Variants in GRID2 observed in about 807,000 individuals in gnomAD.
GRID2 encodes the protein glutamate ionotropic receptor delta type subunit 2.
Under a neutral mutation model 114.8 loss-of-function variants are expected in GRID2, and 33 were observed. That is an observed-to-expected ratio of 0.29 (90% confidence interval 0.22 to 0.38). The LOEUF is 0.38. Among genes scored for constraint, GRID2 ranks in the 10% least tolerant of loss-of-function variants. The probability of loss-of-function intolerance (pLI) is 1.00; values close to 1 mark genes in which losing one functional copy is unlikely to be tolerated. For missense variants in GRID2, 1,184 were observed against 1,257.7 expected (o/e 0.94, Z 0.89); for synonymous variants, 505 against 449.9 (o/e 1.12, Z -1.55).
intron 2 of GRID2, among the ~76,000 whole-genome samples, chr4:92,712,949 T>G (rs2149311047): frequency 6.6e-6 from 1 of 152,186 alleles, no homozygotes; most frequent in South Asian, 2.1e-4. Context: ...AGAGTCAAAT[T>G]ATTGATGATA....
chr4:93,370,472 CAG>C (rs1487696425), intron 8 of GRID2, among the ~76,000 whole-genome samples: 16 of 146,940 alleles, frequency 1.1e-4, no homozygotes, highest in African/African-American at 3.6e-4. Flanking sequence ...AACACGCACA[CAG>C]AGACACACAC....
chr4:93,719,675 G>T (rs1729192377), intron 14 of GRID2, among the ~76,000 whole-genome samples: 1 of 152,108 alleles, frequency 6.6e-6, no homozygotes, highest in African/African-American at 2.4e-5. Context: ...TAATACTAAT[G>T]ATGATCTCAT....
At chr4:92,991,485 C>T (rs1578694236) in intron 2 of GRID2, among the ~76,000 whole-genome samples, 2 of 152,210 alleles carry the variant, frequency 1.3e-5, no homozygotes, top group South Asian at 2.1e-4. Flanking sequence ...AAACCATCTC[C>T]GTGCAAATAA....
At position 93,643,131 on chromosome 4, in the gene GRID2, A is replaced by G. The variant is rs1197775246; in HGVS notation, c.2360+16696A>G. Among the ~76,000 whole-genome samples, 8 of 24,604 alleles carry G rather than the reference A, an allele frequency of 3.3e-4. 3 individuals carry two copies. Among genetic ancestry groups the G allele is most frequent in the African/African-American group, 1.3e-3 (2 of 1,502 alleles). 16.1% of individuals were successfully genotyped at this position (24,604 alleles called of 152,430 possible). ...GGCTCCTGAGGCTTCTGCATTCTTC[A>G]CGTAGTTCTCGAGCCTTCGTTTTCA... On this transcript the variant is annotated intron_variant, in intron 14 of 15. Coordinates refer to ENST00000282020, the MANE Select transcript of GRID2 (RefSeq NM_001510.4).
intron 2 of GRID2, among the ~76,000 whole-genome samples, chr4:92,706,182 C>T (rs1734946620): frequency 6.6e-6 from 1 of 152,054 alleles, no homozygotes; most frequent in Non-Finnish European, 1.5e-5. Flanking sequence ...TGAAATTCTA[C>T]AGTCAAGAGT....
intron 14 of GRID2, among the ~76,000 whole-genome samples, chr4:93,634,002 A>G (rs2149702650): frequency 6.6e-6 from 1 of 152,298 alleles, no homozygotes; most frequent in Middle Eastern, 3.4e-3. Context: ...TCTCTCAGAA[A>G]GGTACATAAA....
At chr4:93,052,073 T>A (rs1726773385) in intron 2 of GRID2, among the ~76,000 whole-genome samples, 1 of 152,190 alleles carries the variant, frequency 6.6e-6, no homozygotes, top group South Asian at 2.1e-4. Context: ...ATAATCAACT[T>A]ATTTTATCTG....
chr4:92,422,765 T>C (rs1423056803), intron 1 of GRID2, among the ~76,000 whole-genome samples: 3 of 152,168 alleles, frequency 2.0e-5, no homozygotes, highest in Non-Finnish European at 2.9e-5. Context: ...TCCTAAACCA[T>C]AATTTCTAAT....
chr4:93,043,774 G>T (rs1349256539), intron 2 of GRID2, among the ~76,000 whole-genome samples: 2 of 151,652 alleles, frequency 1.3e-5, no homozygotes, highest in African/African-American at 2.4e-5. Context: ...GGGGTGGGGG[G>T]AGCGGGGAGG....
intron 2 of GRID2, among the ~76,000 whole-genome samples, chr4:93,046,541 A>T (rs1726154928): frequency 6.6e-6 from 1 of 152,038 alleles, no homozygotes; most frequent in Non-Finnish European, 1.5e-5. Flanking sequence ...TTACATTTCA[A>T]ATTCTTTTTA....
chr4:92,495,758 A>T (rs2149118074), intron 1 of GRID2, among the ~76,000 whole-genome samples: 1 of 152,064 alleles, frequency 6.6e-6, no homozygotes, highest in South Asian at 2.1e-4. Flanking sequence ...TCTAAATTAA[A>T]ATTCAAAGTA....
intron 2 of GRID2, among the ~76,000 whole-genome samples, chr4:92,894,157 A>G (rs1746989517): frequency 6.6e-6 from 1 of 152,182 alleles, no homozygotes; most frequent in Admixed American, 6.5e-5. Flanking sequence ...TCCACATGGT[A>G]GAGAAATATG....
chr4:93,187,933 C>G (rs1037102181), intron 4 of GRID2, among the ~76,000 whole-genome samples: 34 of 152,338 alleles, frequency 2.2e-4, no homozygotes, highest in Admixed American at 7.8e-4. Context: ...GCATCGGGCC[C>G]CCAAGTTTCC....
intron 4 of GRID2, among the ~76,000 whole-genome samples, chr4:93,145,716 G>A (rs1736161180): frequency 8.6e-6 from 1 of 115,870 alleles, no homozygotes; most frequent in Non-Finnish European, 1.6e-5. Context: ...GGCTTGTCTC[G>A]AACTCCTGAC....
At chr4:92,853,620 A>G (rs1743979939) in intron 2 of GRID2, among the ~76,000 whole-genome samples, 1 of 151,994 alleles carries the variant, frequency 6.6e-6, no homozygotes, top group African/African-American at 2.4e-5. Flanking sequence ...TATAATTTAT[A>G]TATTTCAATG....
intron 8 of GRID2, among the ~76,000 whole-genome samples, chr4:93,304,662 T>C (rs562587732): frequency 1.3e-5 from 2 of 152,106 alleles, no homozygotes; most frequent in African/African-American, 2.4e-5. Context: ...GGGGAAAACA[T>C]TTTTTGCTTA....
At position 93,435,741 on chromosome 4, in the gene GRID2, G is replaced by A. The variant is rs530422689; in HGVS notation, c.1545+12773G>A. Among the ~76,000 whole-genome samples, 13 of 152,240 alleles carry A rather than the reference G, an allele frequency of 8.5e-5. No homozygotes were observed. The South Asian group carries it at 2.7e-3, about 32-fold the overall frequency. ...CTCAAGGTCACATAGCCAATAACTG[G>A]AAGAACCAGGATATTAGCTTAAATT... On this transcript the variant is annotated intron_variant, in intron 10 of 15. Coordinates refer to ENST00000282020, the MANE Select transcript of GRID2 (RefSeq NM_001510.4).
At chr4:92,319,564 C>A (rs1218965441) in intron 1 of GRID2, among the ~76,000 whole-genome samples, 1 of 152,198 alleles carries the variant, frequency 6.6e-6, no homozygotes, top group African/African-American at 2.4e-5. Flanking sequence ...AGGTTCTCAA[C>A]GCTGCCAGAA....
At chr4:92,907,209 G>C (rs1036233367) in intron 2 of GRID2, among the ~76,000 whole-genome samples, 3 of 152,044 alleles carry the variant, frequency 2.0e-5, no homozygotes, top group African/African-American at 7.2e-5. Context: ...ATTAAGACAA[G>C]TACAAGAAAG....
Sources: gnomAD v4.1 joint callset for allele counts (sites outside exome capture counted in the v4.1 genomes callset) on GRCh38, gnomAD v4.1.1 for gene constraint, MANE v1.5 for transcripts, NCBI Gene and HGNC (gene_info 2026-07-23, HGNC 2026-07-21) for gene names.